RO60: variants seen among roughly 807,000 people sequenced by gnomAD.
RO60 encodes the protein RNA-binding protein RO60.
Under a neutral mutation model 55.3 loss-of-function variants are expected in RO60, and 20 were observed. The observed-to-expected ratio is 0.36, with a 90% CI of 0.25 to 0.53. The LOEUF (loss-of-function observed/expected upper bound fraction) is 0.53, where lower values mean the gene tolerates loss of function less well. Ranked by LOEUF, RO60 falls within the 20% of genes least tolerant of loss-of-function variation. RO60 has a pLI of 0.92. For synonymous variants in RO60, 213 were observed against 213.6 expected, an observed-to-expected ratio of 1.00 and a Z score of 0.02; for missense variants, 558 against 646.6, an observed-to-expected ratio of 0.86 and a Z score of 1.49.
At chr1:193,081,557 T>A in intron 6 of RO60, 77 bp downstream of exon 6, 1 of 775,566 alleles carries the variant, frequency 1.3e-6, no homozygotes, top group Non-Finnish European at 2.2e-6. Flanking sequence ...TAATAATGAT[T>A]AAGAATTATG....
intron 1 of RO60, among the ~76,000 whole-genome samples, chr1:193,064,490 T>G (rs1315519973): frequency 6.6e-6 from 1 of 152,212 alleles, no homozygotes; most frequent in African/African-American, 2.4e-5. Context: ...CTTTGCCGAA[T>G]TTTGAGTTTA....
At chr1:193,079,891 C>T (rs1674182517) in intron 5 of RO60, among the ~76,000 whole-genome samples, 1 of 151,530 alleles carries the variant, frequency 6.6e-6, no homozygotes, top group Non-Finnish European at 1.5e-5. Flanking sequence ...CTTTGGGAGG[C>T]CGATAAGGGT....
chr1:193,070,199 G>A (rs1449010919), intron 2 of RO60, among the ~76,000 whole-genome samples: 4 of 150,284 alleles, frequency 2.7e-5, no homozygotes, highest in South Asian at 2.1e-4. Context: ...GCCAGTAGGC[G>A]GCAGATGGCC....
chr1:193,082,451 T>A, intron 7 of RO60, 111 bp from the exon 8 acceptor site: 1 of 1,391,536 alleles, frequency 7.2e-7, no homozygotes, highest in Non-Finnish European at 9.9e-7. Context: ...AAAATATATA[T>A]GCAGGCTTTG....
intron 5 of RO60, among the ~76,000 whole-genome samples, chr1:193,078,115 A>G (rs1021866210): frequency 5.3e-5 from 8 of 152,224 alleles, no homozygotes; most frequent in Non-Finnish European, 8.8e-5. Context: ...CAACCAATCA[A>G]TGTAATACAT....
Position 193,082,371 on chromosome 1 carries a change from C to T in RO60, c.1317+72C>T. ...GTGTAGAATGATTTTATATTGATGT[C>T]ATGTATGGTATTAATCTGTGAGAAC... On this transcript the variant is annotated intron_variant, in intron 7 of 8. Transcript: ENST00000400968. The T allele has an allele frequency of 5.9e-6, 8 of 1,364,058 alleles. No homozygotes were observed. In the South Asian group the frequency reaches 7.6e-5, roughly 13 times the overall value. 84.5% of individuals were successfully genotyped at this position (1,364,058 alleles called of 1,614,324 possible).
At chr1:193,061,051 GAAGT>G (rs1216531943) in intron 1 of RO60, among the ~76,000 whole-genome samples, 1 of 152,180 alleles carries the variant, frequency 6.6e-6, no homozygotes, top group African/African-American at 2.4e-5. Context: ...GCACAATCTA[GAAGT>G]AAGCAGAGAA....
intron 2 of RO60, among the ~76,000 whole-genome samples, chr1:193,070,080 A>C (rs1471382486): frequency 1.3e-5 from 2 of 152,102 alleles, no homozygotes; most frequent in Non-Finnish European, 2.9e-5. Flanking sequence ...GTAACTGTAC[A>C]CAGCTGTTCC....
Position 193,085,665 on chromosome 1 carries a change from TTAAAA to T in RO60, c.*941_*945del. ...AACCAGTTTAGCTTTTTCCTTACTT[TTAAAA>T]TAAAATTTTTTACTTTTAACTATTT... On this transcript the variant is annotated 3_prime_UTR_variant, in exon 9 of 9. Coordinates refer to ENST00000400968, the MANE Select transcript of RO60 (RefSeq NM_001173524.2). The T allele has an allele frequency of 1.0e-6, 1 of 980,128 alleles. No individual in the cohort carries two copies. Among genetic ancestry groups the T allele is most frequent in the Non-Finnish European group, 1.2e-6 (1 of 825,130 alleles). 60.7% of individuals were successfully genotyped at this position (980,128 alleles called of 1,614,324 possible). A position where few individuals can be genotyped will look rare whatever the true frequency, so the allele number is the denominator to read the frequency against.
intron 1 of RO60, among the ~76,000 whole-genome samples, chr1:193,068,466 G>A (rs1558236747): frequency 6.6e-6 from 1 of 152,246 alleles, no homozygotes; most frequent in South Asian, 2.1e-4. Context: ...AGGCCAAGAA[G>A]AGGAGAAGAG....
chr1:193,087,278 A>T lies in RO60; in HGVS notation c.*2547A>T, dbSNP rs560426963. 2 of 152,252 alleles carry T rather than the reference A, an allele frequency of 1.3e-5. No individual in the cohort carries two copies. The highest frequency in any genetic ancestry group is 4.1e-4 in the South Asian group (2 of 4,826). The allele number at this position is 152,252 out of a possible 1,614,324, so 9.4% of individuals were successfully genotyped here. Reference sequence around the variant, plus strand: ...AATGTACTGAAGTGATAAGTTTTTTATTTCCTGAGTTACTTTTAGGATTAC... The same window carrying T: ...AATGTACTGAAGTGATAAGTTTTTTTTTTCCTGAGTTACTTTTAGGATTAC... On this transcript the variant is annotated 3_prime_UTR_variant, in exon 9 of 9. Transcript: ENST00000400968.
rs1250406599 is a variant in RO60 at position 193,059,927 on chromosome 1, C to A, written c.-22+151C>A. The A allele has an allele frequency of 1.5e-6, 2 of 1,366,138 alleles. No individual in the cohort carries two copies. The highest frequency in any genetic ancestry group is 2.0e-6 in the Non-Finnish European group (2 of 1,021,752). 84.6% of individuals were successfully genotyped at this position (1,366,138 alleles called of 1,614,324 possible). A position where few individuals can be genotyped will look rare whatever the true frequency, so the allele number is the denominator to read the frequency against. ...CTATCGCTCTTCCCCGTCCCGCTTC[C>A]GCGCCTGTCCACCCTGGGTAACGGA... is the stretch of plus-strand genomic sequence containing the variant. On this transcript the variant is annotated intron_variant, in intron 1 of 8. Coordinates refer to ENST00000400968, the MANE Select transcript of RO60 (RefSeq NM_001173524.2). The surrounding 1 kb of genome is among the most constrained non-coding windows in gnomAD (Gnocchi z 4.9).
At chr1:193,070,259 C>A (rs1198235661) in intron 2 of RO60, among the ~76,000 whole-genome samples, 1 of 152,084 alleles carries the variant, frequency 6.6e-6, no homozygotes, top group Non-Finnish European at 1.5e-5. Flanking sequence ...CCCCATCTTC[C>A]TAGGAACCCA....
At position 193,076,051 on chromosome 1, in the gene RO60, T is replaced by C. The variant is rs1673894409; in HGVS notation, c.801+11T>C. On this transcript the variant is annotated intron_variant, in intron 3 of 8. Coordinates refer to ENST00000400968, the MANE Select transcript of RO60 (RefSeq NM_001173524.2). ...TTAAAGTCTAAAGAGGTGAGTGAAT[T>C]ATATGTTACAGCATGTGATTAAACA... 1 of 1,560,416 alleles carries C rather than the reference T, an allele frequency of 6.4e-7. No homozygotes were observed. Among genetic ancestry groups the C allele is most frequent in the South Asian group, 1.2e-5 (1 of 86,822 alleles).
intron 2 of RO60, among the ~76,000 whole-genome samples, chr1:193,073,287 G>A (rs1325295803): frequency 6.6e-6 from 1 of 152,192 alleles, no homozygotes; most frequent in Non-Finnish European, 1.5e-5. Context: ...GTTCCTGCAT[G>A]TTAGTGTTAA....
rs1313789159 is a variant in RO60 at position 193,088,324 on chromosome 1, C to T, written c.*3593C>T. 1.3e-5 allele frequency: 2 copies of T among 151,730 alleles called. No homozygotes were observed. Among genetic ancestry groups the T allele is most frequent in the Non-Finnish European group, 2.9e-5 (2 of 67,938 alleles). 9.4% of individuals were successfully genotyped at this position (151,730 alleles called of 1,614,324 possible). ...ACTGCACCCAGCCAGCAAACATTCT[C>T]TTAATCTTTTAAAGTAACCAGTAAA... On this transcript the variant is annotated 3_prime_UTR_variant, in exon 9 of 9. Transcript: ENST00000400968.
chr1:193,076,751 A>T, intron 4 of RO60, 104 bp downstream of exon 4: 1 of 1,354,360 alleles, frequency 7.4e-7, no homozygotes, highest in Non-Finnish European at 1.0e-6. Context: ...CGAGATGTTC[A>T]TTATACCAAA....
Position 193,081,374 on chromosome 1 carries a change from C to G in RO60, c.1097C>G (p.Pro366Arg), listed in dbSNP as rs754695505. 6.3e-7 allele frequency: 1 copy of G among 1,598,424 alleles called. No homozygotes were observed. Among genetic ancestry groups the G allele is most frequent in the African/African-American group, 1.3e-5 (1 of 74,768 alleles). The change falls in exon 6 of 9, where the codon CCA (proline) becomes CGA (arginine). Residue 366 changes from proline (P) to arginine (R), a missense_variant. Physicochemically the swap from Pro to Arg is moderately radical, Grantham distance 103. Coordinates refer to ENST00000400968, the MANE Select transcript of RO60 (RefSeq NM_001173524.2). ...AFYKTFKTVE[P>R]TGKRFLLAVD... ...TTGTTTTCTCTGTAGACAGTTGAAC[C>G]AACTGGAAAACGTTTCTTACTAGCT... is the stretch of plus-strand genomic sequence containing the variant.
intron 1 of RO60, among the ~76,000 whole-genome samples, chr1:193,063,691 A>G (rs750983597): frequency 2.6e-5 from 4 of 152,198 alleles, no homozygotes; most frequent in Non-Finnish European, 5.9e-5. Context: ...CAGGGTTGGC[A>G]TCAGATCCCA....
Sources: allele counts gnomAD v4.1 joint callset (sites outside exome capture counted in the v4.1 genomes callset), GRCh38; gene constraint gnomAD v4.1.1; non-coding constraint Gnocchi (gnomAD v3.1); transcripts MANE v1.5; gene names NCBI Gene and HGNC (gene_info 2026-07-23, HGNC 2026-07-21).